The following XYLT1 variants were observed in gnomAD, a reference collection of about 807,000 sequenced individuals.
The protein encoded by XYLT1 is beta-D-xylosyltransferase 1.
In XYLT1, 36 loss-of-function variants were observed where a neutral mutation model predicts 91.3. The observed-to-expected ratio is 0.39, with a 90% confidence interval of 0.30 to 0.52. XYLT1 has a LOEUF of 0.52. Ranked by LOEUF, XYLT1 falls within the 20% of genes least tolerant of loss-of-function variation. XYLT1 has a pLI of 0.68. For synonymous variants in XYLT1, 588 were observed against 532.0 expected, an observed-to-expected ratio of 1.11 and a Z score of -1.45; for missense variants, 1,242 against 1,284.5, an observed-to-expected ratio of 0.97 and a Z score of 0.51.
chr16:17,162,219 CCAA>C (rs998187614), intron 5 of XYLT1, among the ~76,000 whole-genome samples: 2 of 151,924 alleles, frequency 1.3e-5, no homozygotes, highest in Non-Finnish European at 2.9e-5. Flanking sequence ...ACCAGCCCGG[CCAA>C]CATGATGAAA....
intron 2 of XYLT1, among the ~76,000 whole-genome samples, chr16:17,318,790 C>CTTTTTTT (rs58376375): frequency 4.9e-5 from 7 of 142,642 alleles, no homozygotes; most frequent in Non-Finnish European, 6.1e-5. Context: ...TCTGCTTACT[C>CTTTTTTT]TTTTTTTTTT....
rs1172679575 is a variant in XYLT1, at chr16:17,123,330, G to T, written c.2223+4336C>A. On this transcript the variant is annotated intron_variant, in intron 10 of 11. Transcript: ENST00000261381. ...GTTCTTGTTTCTCTAGCTCATTAAGGTGTGACCTTAGATTGTCTATTTGGG... is the reference window on the plus strand; with the variant it reads ...GTTCTTGTTTCTCTAGCTCATTAAGTTGTGACCTTAGATTGTCTATTTGGG... Among the ~76,000 whole-genome samples the T allele has an allele frequency of 2.6e-5, 4 of 152,232 alleles. No individual in the cohort carries two copies. In the East Asian group the frequency reaches 7.7e-4, roughly 29 times the overall value.
chr16:17,246,044 G>A (rs1487991066), intron 3 of XYLT1, among the ~76,000 whole-genome samples: 1 of 152,218 alleles, frequency 6.6e-6, no homozygotes, highest in African/African-American at 2.4e-5. Flanking sequence ...GCTTGCTTCA[G>A]CCTGAATGCA....
At chr16:17,417,685 A>G (rs1438766019) in intron 1 of XYLT1, among the ~76,000 whole-genome samples, 2 of 152,216 alleles carry the variant, frequency 1.3e-5, no homozygotes, top group Non-Finnish European at 2.9e-5. Context: ...ATTCTTTGAC[A>G]TGCCTTTATC....
intron 2 of XYLT1, among the ~76,000 whole-genome samples, chr16:17,298,134 T>G (rs1364518167): frequency 6.6e-6 from 1 of 152,122 alleles, no homozygotes; most frequent in Admixed American, 6.6e-5. Context: ...TTGCCAAAAT[T>G]TTTGTCTCCA....
Position 17,274,987 on chromosome 16 carries a change from G to A in XYLT1, c.403-15489C>T, listed in dbSNP as rs188485667. ...AGCCCAAGAGTTCAAGAGTAGCCTG[G>A]CCAACATGGTGAAACCCTGTCTCTA... On this transcript the variant is annotated intron_variant, in intron 2 of 11. Transcript: ENST00000261381. Among the ~76,000 whole-genome samples, 407 of 152,196 alleles carry A rather than the reference G, an allele frequency of 2.7e-3. 1 individual carries two copies. The highest frequency in any genetic ancestry group is 8.9e-3 in the African/African-American group (370 of 41,524).
rs1395510455 is a variant in XYLT1 at position 17,103,163 on chromosome 16, G to A, written c.*5532C>T. 6.6e-6 allele frequency: 1 copy of A among 152,642 alleles called. No homozygotes were observed. The highest frequency in any genetic ancestry group is 1.5e-5 in the Non-Finnish European group (1 of 68,038). The allele number at this position is 152,642 out of a possible 1,614,324, so 9.5% of individuals were successfully genotyped here. ...TTTAGTGCTATCACTTTCCAGGCAG[G>A]AAGGACGAAGAGATAAATGGAGAAC... On this transcript the variant is annotated 3_prime_UTR_variant, in exon 12 of 12. Transcript: ENST00000261381.
intron 6 of XYLT1, among the ~76,000 whole-genome samples, chr16:17,154,667 G>A (rs1366430389): frequency 6.6e-6 from 1 of 152,174 alleles, no homozygotes; most frequent in Non-Finnish European, 1.5e-5. Context: ...TTGGAGGAAA[G>A]CAAGGAGAAA....
rs1274750655 is a variant in XYLT1, at chr16:17,102,562, T to C, written c.*6133A>G. On this transcript the variant is annotated 3_prime_UTR_variant, in exon 12 of 12. Transcript: ENST00000261381. ...CTGCAAAATAAAAAGACAGAAAAGGTGCAAAAAAGGGCAGGTAATGCAGTC... is the reference window on the plus strand; with the variant it reads ...CTGCAAAATAAAAAGACAGAAAAGGCGCAAAAAAGGGCAGGTAATGCAGTC... 1 of 152,522 alleles carries C rather than the reference T, an allele frequency of 6.6e-6. No homozygotes were observed. The highest frequency in any genetic ancestry group is 1.5e-5 in the Non-Finnish European group (1 of 67,994). 9.4% of individuals were successfully genotyped at this position (152,522 alleles called of 1,614,324 possible).
At chr16:17,225,756 G>A (rs2033052744) in intron 3 of XYLT1, among the ~76,000 whole-genome samples, 1 of 152,174 alleles carries the variant, frequency 6.6e-6, no homozygotes. Context: ...ATTACTCAGA[G>A]ACTGTGGTAA....
rs116934543 is a variant in XYLT1, at chr16:17,108,267, A to G, written c.*428T>C. On this transcript the variant is annotated 3_prime_UTR_variant, in exon 12 of 12. Transcript: ENST00000261381. The stretch of plus-strand genomic sequence containing the variant: ...CCAGAGGGCTGAGCTTTGGGAGGGA[A>G]CCTCGCACTTGTCAGCTTCAACCAG... 6.3e-4 allele frequency: 100 copies of G among 158,136 alleles called. 1 individual carries two copies. In the East Asian group the frequency reaches 0.013, roughly 21 times the overall value. 9.8% of individuals were successfully genotyped at this position (158,136 alleles called of 1,614,324 possible).
chr16:17,170,987 T>G (rs2031808233), intron 5 of XYLT1, among the ~76,000 whole-genome samples: 1 of 152,118 alleles, frequency 6.6e-6, no homozygotes, highest in South Asian at 2.1e-4. Flanking sequence ...ACTATTTACC[T>G]TATAGAGTTG....
intron 1 of XYLT1, among the ~76,000 whole-genome samples, chr16:17,457,575 C>G (rs966457300): frequency 6.6e-6 from 1 of 152,210 alleles, no homozygotes; most frequent in African/African-American, 2.4e-5. Context: ...GTCTTTAACT[C>G]ACCTTCTAAA....
chr16:17,117,906 G>A lies in XYLT1; in HGVS notation c.2297C>T (p.Pro766Leu), dbSNP rs376063818. 6 of 1,613,886 alleles carry A rather than the reference G, an allele frequency of 3.7e-6. No individual in the cohort carries two copies. The highest frequency in any genetic ancestry group is 1.3e-5 in the African/African-American group (1 of 74,882). ...FGGLLGPMDE[P>L]VGMQKWGKGP... ...CTTCCCCCACTTCTGCATACCCACC[G>A]GCTCATCCATGGGCCCCAGAAGACC... The change falls in exon 11 of 12, where the codon CCG becomes CTG. Residue 766 changes from proline (P) to leucine (L), a missense_variant. Physicochemically the swap from Pro to Leu is moderately conservative, Grantham distance 98. Coordinates refer to ENST00000261381, the MANE Select transcript of XYLT1 (RefSeq NM_022166.4).
intron 8 of XYLT1, among the ~76,000 whole-genome samples, chr16:17,135,430 G>A (rs1293404242): frequency 6.6e-6 from 1 of 152,116 alleles, no homozygotes; most frequent in Non-Finnish European, 1.5e-5. Context: ...GCTGAGACAG[G>A]AGAATCACTT....
At chr16:17,389,561 T>C (rs913494010) in intron 1 of XYLT1, among the ~76,000 whole-genome samples, 4 of 152,334 alleles carry the variant, frequency 2.6e-5, no homozygotes, top group African/African-American at 7.2e-5. Context: ...CAGCCAGGCA[T>C]AGAACACTTC....
intron 1 of XYLT1, among the ~76,000 whole-genome samples, chr16:17,370,086 G>A (rs1459524488): frequency 1.3e-5 from 2 of 152,196 alleles, no homozygotes; most frequent in Non-Finnish European, 2.9e-5. Flanking sequence ...GGGGCCAGAG[G>A]AAGGGGGTCC....
At chr16:17,357,596 T>C (rs2035319961) in intron 2 of XYLT1, among the ~76,000 whole-genome samples, 1 of 152,244 alleles carries the variant, frequency 6.6e-6, no homozygotes, top group Non-Finnish European at 1.5e-5. Context: ...TCCTTCCATA[T>C]GCTGCCCTCA....
At chr16:17,258,147 A>C (rs924999850) in intron 3 of XYLT1, among the ~76,000 whole-genome samples, 1 of 150,902 alleles carries the variant, frequency 6.6e-6, no homozygotes. Flanking sequence ...AAGAGCAAGG[A>C]AAGGTGGAAA....
Sources: gnomAD v4.1 joint callset for allele counts (sites outside exome capture counted in the v4.1 genomes callset) on GRCh38, gnomAD v4.1.1 for gene constraint, MANE v1.5 for transcripts, NCBI Gene and HGNC (gene_info 2026-07-23, HGNC 2026-07-21) for gene names.